FNDC3B: variants seen among roughly 807,000 people sequenced by gnomAD.
The protein encoded by FNDC3B is fibronectin type III domain-containing protein 3B.
A neutral mutation model predicts 151.5 loss-of-function variants in FNDC3B; 12 were observed. The observed-to-expected ratio is 0.08, with a 90% CI of 0.05 to 0.13. The LOEUF (loss-of-function observed/expected upper bound fraction) is 0.13. FNDC3B is among the 10% of genes least tolerant of loss of function. The pLI, the probability that FNDC3B is intolerant of heterozygous loss-of-function variation, is 1.00. For synonymous variants in FNDC3B, 528 were observed against 549.0 expected (o/e 0.96, Z 0.54); for missense variants, 1,214 against 1,505.3 (o/e 0.81, Z 3.20).
At chr3:172,284,575 T>C (rs1313035579) in intron 6 of FNDC3B, among the ~76,000 whole-genome samples, 2 of 151,794 alleles carry the variant, frequency 1.3e-5, no homozygotes, top group Non-Finnish European at 2.9e-5. Context: ...GAATTTAAGA[T>C]TAAACCTGAA....
intron 4 of FNDC3B, among the ~76,000 whole-genome samples, chr3:172,243,766 A>G (rs745613596): frequency 1.4e-4 from 22 of 152,224 alleles, no homozygotes; most frequent in African/African-American, 1.2e-4. Flanking sequence ...GAGTCTACCT[A>G]TATGACCTCA....
At chr3:172,061,231 T>G (rs1717179030) in intron 1 of FNDC3B, among the ~76,000 whole-genome samples, 1 of 151,660 alleles carries the variant, frequency 6.6e-6, no homozygotes, top group Non-Finnish European at 1.5e-5. Context: ...GTCTGCACAT[T>G]ACTTTTTTTT....
chr3:172,208,594 C>A (rs769785890), intron 3 of FNDC3B, among the ~76,000 whole-genome samples: 8 of 152,136 alleles, frequency 5.3e-5, no homozygotes, highest in Non-Finnish European at 1.5e-5. Context: ...GTGTAATGAT[C>A]AAATTCAGTT....
intron 3 of FNDC3B, among the ~76,000 whole-genome samples, chr3:172,199,411 C>T (rs925319076): frequency 6.8e-6 from 1 of 147,976 alleles, no homozygotes; most frequent in Non-Finnish European, 1.5e-5. Context: ...GATCTCCTGA[C>T]CTCGTGATCC....
chr3:172,132,789 A>G (rs141508349), intron 2 of FNDC3B, among the ~76,000 whole-genome samples: 2,026 of 152,264 alleles, frequency 0.013, 22 homozygotes, highest in South Asian at 0.032. Context: ...TTTGATTAGA[A>G]CTATTAATAA....
At chr3:172,252,479 C>T (rs1183329669) in intron 6 of FNDC3B, among the ~76,000 whole-genome samples, 2 of 151,234 alleles carry the variant, frequency 1.3e-5, no homozygotes, top group African/African-American at 2.4e-5. Flanking sequence ...CTGATTATAA[C>T]ACTCATTGAT....
intron 4 of FNDC3B, among the ~76,000 whole-genome samples, chr3:172,235,603 G>A (rs376682313): frequency 2.4e-4 from 36 of 152,324 alleles, no homozygotes; most frequent in East Asian, 1.7e-3. Context: ...AGGGGTCAGA[G>A]TATTCCAAAC....
chr3:172,322,681 C>T (rs1732147307), intron 11 of FNDC3B, among the ~76,000 whole-genome samples: 1 of 152,064 alleles, frequency 6.6e-6, no homozygotes, highest in Non-Finnish European at 1.5e-5. Context: ...TTTAAAAGTA[C>T]AACGTAACTC....
At chr3:172,142,428 C>G (rs1721670577) in intron 3 of FNDC3B, among the ~76,000 whole-genome samples, 1 of 152,176 alleles carries the variant, frequency 6.6e-6, no homozygotes, top group East Asian at 1.9e-4. Flanking sequence ...TCTGAAGGTA[C>G]CACTGCTTAG....
At chr3:172,239,472 A>C (rs1225769843) in intron 4 of FNDC3B, among the ~76,000 whole-genome samples, 4 of 152,064 alleles carry the variant, frequency 2.6e-5, no homozygotes, top group African/African-American at 9.7e-5. Context: ...TGTCCAGGCA[A>C]CTCACCCAGT....
chr3:172,289,761 C>T (rs1730224538), intron 7 of FNDC3B, among the ~76,000 whole-genome samples: 2 of 152,166 alleles, frequency 1.3e-5, no homozygotes, highest in South Asian at 4.1e-4. Context: ...GATGTGCCTC[C>T]GCCAGCGTGT....
intron 1 of FNDC3B, among the ~76,000 whole-genome samples, chr3:172,103,316 T>C (rs1719464137): frequency 6.6e-6 from 1 of 152,168 alleles, no homozygotes; most frequent in African/African-American, 2.4e-5. Flanking sequence ...TTCTGTAAAA[T>C]TTGGGGTATG....
chr3:172,091,438 A>G (rs1478742125), intron 1 of FNDC3B, among the ~76,000 whole-genome samples: 1 of 152,240 alleles, frequency 6.6e-6, no homozygotes, highest in Non-Finnish European at 1.5e-5. Flanking sequence ...TTTTCCCTTA[A>G]TTTGCAGATG....
In FNDC3B at chr3:172,240,683, G is replaced by C. The variant is rs114938337; in HGVS notation, c.265-6850G>C. Among the ~76,000 whole-genome samples, 513 of 152,240 alleles carry C rather than the reference G, an allele frequency of 3.4e-3. 2 individuals are homozygous for C. The highest frequency in any genetic ancestry group is 0.012 in the African/African-American group (497 of 41,538). ...GCCTTGGTTTTCTTCATCTAAAGCAGGGATGCCAATACCTAATTCTCAAGT... is the reference window on the plus strand; with the variant it reads ...GCCTTGGTTTTCTTCATCTAAAGCACGGATGCCAATACCTAATTCTCAAGT... On this transcript the variant is annotated intron_variant, in intron 4 of 25. Coordinates refer to ENST00000415807, the MANE Select transcript of FNDC3B (RefSeq NM_022763.4).
chr3:172,084,488 C>CACACACACACAG (rs1418643594), intron 1 of FNDC3B, among the ~76,000 whole-genome samples: 1 of 151,472 alleles, frequency 6.6e-6, no homozygotes. Flanking sequence ...CACACACATA[C>CACACACACACAG]ACACACACAC....
rs536549189 is a variant in FNDC3B, at chr3:172,139,779, G to A, written c.187+6233G>A. Among the ~76,000 whole-genome samples, 76 of 150,992 alleles carry A rather than the reference G, an allele frequency of 5.0e-4. 2 individuals are homozygous for A. Among genetic ancestry groups the A allele is most frequent in the African/African-American group, 1.8e-3 (74 of 41,070 alleles). On this transcript the variant is annotated intron_variant, in intron 3 of 25. Coordinates refer to ENST00000415807, the MANE Select transcript of FNDC3B (RefSeq NM_022763.4). The stretch of plus-strand genomic sequence containing the variant: ...TTTTTTTTTTGTTTTTTGAGACAGG[G>A]TATCCTGTCTCAAAAACAAAGACCT...
intron 3 of FNDC3B, among the ~76,000 whole-genome samples, chr3:172,171,600 CTTTTTTTT>C (rs34275289): frequency 8.1e-6 from 1 of 123,526 alleles, no homozygotes; most frequent in South Asian, 2.8e-4. Flanking sequence ...GCTGTATTAA[CTTTTTTTT>C]TTTTTTTTTT....
chr3:172,396,589 G>A (rs1316228220), intron 25 of FNDC3B, among the ~76,000 whole-genome samples: 2 of 152,108 alleles, frequency 1.3e-5, no homozygotes, highest in Non-Finnish European at 2.9e-5. Flanking sequence ...GAACCAGGCC[G>A]CACAGCAGGA....
chr3:172,246,703 C>G (rs1371654545), intron 4 of FNDC3B, among the ~76,000 whole-genome samples: 2 of 152,196 alleles, frequency 1.3e-5, no homozygotes, highest in Admixed American at 6.5e-5. Context: ...GTATGATGAT[C>G]ACACCTGCGT....
Sources: allele counts gnomAD v4.1 joint callset (sites outside exome capture counted in the v4.1 genomes callset), GRCh38; gene constraint gnomAD v4.1.1; transcripts MANE v1.5; gene names NCBI Gene and HGNC (gene_info 2026-07-23, HGNC 2026-07-21).